SMIM21: variants seen among roughly 807,000 people sequenced by gnomAD.
SMIM21 encodes the protein chromosome 18 open reading frame 62.
SMIM21 carries 8 observed loss-of-function variants against 8.6 expected under a neutral mutation model. The observed-to-expected ratio is 0.93, with a 90% CI of 0.55 to 1.68. SMIM21 has a LOEUF of 1.68. SMIM21 is among the 40% of genes most tolerant of loss of function. The pLI, the probability that SMIM21 is intolerant of heterozygous loss-of-function variation, is 0.00. For synonymous variants in SMIM21, 43 were observed against 41.7 expected (o/e 1.03, Z -0.12); for missense variants, 132 against 123.0 (o/e 1.07, Z -0.35).
At chr18:75,420,744 G>A (rs2024699422) in intron 1 of SMIM21, among the ~76,000 whole-genome samples, 1 of 152,130 alleles carries the variant, frequency 6.6e-6, no homozygotes, top group African/African-American at 2.4e-5. Flanking sequence ...TGTTATCTGG[G>A]CATTAACACA....
intron 2 of SMIM21, chr18:75,417,042 C>CTAAG (rs2024653991): frequency 6.6e-6 from 1 of 152,176 alleles, no homozygotes; most frequent in Non-Finnish European, 1.5e-5. Flanking sequence ...AACTAAGTAG[C>CTAAG]TAAAACCCAA....
chr18:75,414,485 A>C (rs1324927673), intron 2 of SMIM21, among the ~76,000 whole-genome samples: 3 of 152,262 alleles, frequency 2.0e-5, no homozygotes, highest in Admixed American at 6.5e-5. Context: ...AGGAGGAAGG[A>C]AGAGGGAGGA....
rs778554058 is a variant in SMIM21, at chr18:75,410,770, A to G, written c.*94T>C. The G allele has an allele frequency of 5.9e-4, 935 of 1,577,830 alleles. 1 individual carries two copies. The highest frequency in any genetic ancestry group is 7.5e-4 in the Non-Finnish European group (873 of 1,164,028). ...TTTAAAAAGTGAGCAATAATCTGCT[A>G]TCTCTAAGCAATCTGATTTCCTCTT... On this transcript the variant is annotated 3_prime_UTR_variant, in exon 3 of 3. Coordinates refer to ENST00000579022, the MANE Select transcript of SMIM21 (RefSeq NM_001037331.3).
Position 75,427,686 on chromosome 18 carries a change from C to T in SMIM21, c.-123G>A, listed in dbSNP as rs2024780271. ...AGGAGCTTTTCTCTTCTTTGCCAAC[C>T]TTGAAGATCTGGGTATTATTTTATG... is the stretch of plus-strand genomic sequence containing the variant. On this transcript the variant is annotated 5_prime_UTR_variant, in exon 1 of 3. Transcript: ENST00000579022. 5 of 984,024 alleles carry T rather than the reference C, an allele frequency of 5.1e-6. No homozygotes were observed. In the South Asian group the frequency reaches 1.3e-4, roughly 25 times the overall value. 61.0% of individuals were successfully genotyped at this position (984,024 alleles called of 1,614,324 possible). A position where few individuals can be genotyped will look rare whatever the true frequency, so the allele number is the denominator to read the frequency against.
In SMIM21 at chr18:75,410,057, C is replaced by G. The variant is rs2024566373; in HGVS notation, c.*807G>C. On this transcript the variant is annotated 3_prime_UTR_variant, in exon 3 of 3. Coordinates refer to ENST00000579022, the MANE Select transcript of SMIM21 (RefSeq NM_001037331.3). Reference sequence around the variant, plus strand: ...GGTGTTAATTATTTCCTTTTCATTTCCAGCTGGCACAGAGCTTTAGCACCT... The same window carrying G: ...GGTGTTAATTATTTCCTTTTCATTTGCAGCTGGCACAGAGCTTTAGCACCT... 6.6e-6 allele frequency: 1 copy of G among 152,660 alleles called. No individual in the cohort carries two copies. The highest frequency in any genetic ancestry group is 6.5e-5 in the Admixed American group (1 of 15,286). 9.5% of individuals were successfully genotyped at this position (152,660 alleles called of 1,614,324 possible).
intron 2 of SMIM21, among the ~76,000 whole-genome samples, chr18:75,414,737 C>T (rs182553170): frequency 2.8e-4 from 43 of 152,194 alleles, no homozygotes; most frequent in Non-Finnish European, 3.4e-4. Context: ...TAAGAGGATC[C>T]GGGAGAGTGG....
intron 1 of SMIM21, among the ~76,000 whole-genome samples, chr18:75,422,608 C>T (rs180867803): frequency 1.4e-3 from 206 of 152,140 alleles, no homozygotes; most frequent in Middle Eastern, 3.4e-3. Context: ...TTGATAAATC[C>T]GTAGAGTGGA....
At chr18:75,414,217 T>G (rs2024618951) in intron 2 of SMIM21, among the ~76,000 whole-genome samples, 1 of 152,008 alleles carries the variant, frequency 6.6e-6, no homozygotes, top group Non-Finnish European at 1.5e-5. Flanking sequence ...GACATAAAAT[T>G]TATTATCAAA....
At chr18:75,417,226 A>C (rs746522123) in intron 2 of SMIM21, 2 of 152,080 alleles carry the variant, frequency 1.3e-5, no homozygotes, top group Non-Finnish European at 2.9e-5. Context: ...TCCAGTTGCC[A>C]TCTCAAGCAA....
At position 75,411,006 on chromosome 18, in the gene SMIM21, C is replaced by A. The variant is rs923149376; in HGVS notation, c.261-97G>T. On this transcript the variant is annotated intron_variant, in intron 2 of 2. Transcript: ENST00000579022. The stretch of plus-strand genomic sequence containing the variant: ...TGACCATTTGTTTTTATCTAATGAA[C>A]ACATTTTAAAATTTAATTTTTCCCC... 5 of 1,497,660 alleles carry A rather than the reference C, an allele frequency of 3.3e-6. No homozygotes were observed. In the African/African-American group the frequency reaches 7.0e-5, roughly 21 times the overall value. 92.8% of individuals were successfully genotyped at this position (1,497,660 alleles called of 1,614,324 possible). A position where few individuals can be genotyped will look rare whatever the true frequency, so the allele number is the denominator to read the frequency against.
In SMIM21 at chr18:75,409,646, G is replaced by C. The variant is rs562354914; in HGVS notation, c.*1218C>G. 1.4e-5 allele frequency: 2 copies of C among 140,308 alleles called. No homozygotes were observed. The highest frequency in any genetic ancestry group is 1.5e-4 in the Admixed American group (2 of 13,752). The allele number at this position is 140,308 out of a possible 1,614,324, so 8.7% of individuals were successfully genotyped here. ...AAAGACAAAGACAGACTGTTCCATC[G>C]GTGACAAGAACTCTGTGTGTGTGTG... is the stretch of plus-strand genomic sequence containing the variant. On this transcript the variant is annotated 3_prime_UTR_variant, in exon 3 of 3. Coordinates refer to ENST00000579022, the MANE Select transcript of SMIM21 (RefSeq NM_001037331.3).
chr18:75,420,240 A>G (rs563707905), intron 1 of SMIM21, among the ~76,000 whole-genome samples: 1 of 152,220 alleles, frequency 6.6e-6, no homozygotes, highest in Non-Finnish European at 1.5e-5. Context: ...GAATTTTAAT[A>G]GTTTACCAGC....
intron 2 of SMIM21, among the ~76,000 whole-genome samples, chr18:75,414,631 C>T (rs570295497): frequency 6.6e-6 from 1 of 152,300 alleles, no homozygotes; most frequent in Admixed American, 6.5e-5. Flanking sequence ...AATGGAAAAT[C>T]TCCTCCAGCT....
At chr18:75,413,159 T>G (rs1291184658) in intron 2 of SMIM21, among the ~76,000 whole-genome samples, 1 of 152,102 alleles carries the variant, frequency 6.6e-6, no homozygotes, top group Non-Finnish European at 1.5e-5. Flanking sequence ...TAAGGATGCT[T>G]CCTGAAGAAA....
intron 1 of SMIM21, among the ~76,000 whole-genome samples, chr18:75,422,678 G>A (rs2024721922): frequency 6.6e-6 from 1 of 152,176 alleles, no homozygotes; most frequent in Admixed American, 6.5e-5. Flanking sequence ...AGATGAACTG[G>A]AAAACATTAT....
At chr18:75,412,825 G>C (rs2024598008) in intron 2 of SMIM21, among the ~76,000 whole-genome samples, 1 of 151,814 alleles carries the variant, frequency 6.6e-6, no homozygotes, top group Non-Finnish European at 1.5e-5. Flanking sequence ...ACACTTGCTG[G>C]ATTTCTGTGA....
At chr18:75,423,381 C>T (rs2024729482) in intron 1 of SMIM21, among the ~76,000 whole-genome samples, 1 of 152,154 alleles carries the variant, frequency 6.6e-6, no homozygotes, top group Non-Finnish European at 1.5e-5. Context: ...AGGAGAAAAA[C>T]CTTGGAAACA....
chr18:75,420,574 A>C (rs567916335), intron 1 of SMIM21, among the ~76,000 whole-genome samples: 2 of 152,202 alleles, frequency 1.3e-5, no homozygotes, highest in Admixed American at 1.3e-4. Context: ...TTAATGTTGC[A>C]AAAGGGCCAT....
chr18:75,419,098 T>TG (rs2024682731), intron 1 of SMIM21, 182 bp from the exon 2 acceptor site: 2 of 449,530 alleles, frequency 4.4e-6, no homozygotes, highest in East Asian at 3.3e-5. Context: ...TAAAATTAGT[T>TG]GGGGAAAAGA....
Sources: allele counts gnomAD v4.1 joint callset (sites outside exome capture counted in the v4.1 genomes callset), GRCh38; gene constraint gnomAD v4.1.1; transcripts MANE v1.5; gene names NCBI Gene and HGNC (gene_info 2026-07-23, HGNC 2026-07-21).